The following PLCL1 variants were observed in gnomAD, a reference collection of about 807,000 sequenced individuals.
PLCL1 encodes inactive phospholipase C-like protein 1.
In PLCL1, 41 loss-of-function variants were observed where a neutral mutation model predicts 84.4. The observed-to-expected ratio is 0.49, with a 90% CI of 0.38 to 0.63. The LOEUF is 0.63. Ranked by LOEUF, PLCL1 falls within the 30% of genes least tolerant of loss-of-function variation. The probability of loss-of-function intolerance (pLI) is 0.00; values close to 1 mark genes in which losing one functional copy is unlikely to be tolerated. For synonymous variants in PLCL1, 490 were observed against 488.3 expected (o/e 1.00, Z -0.05); for missense variants, 1,206 against 1,367.8 (o/e 0.88, Z 1.87).
chr2:197,818,414 A>C (rs566741583), intron 1 of PLCL1, among the ~76,000 whole-genome samples: 1 of 152,128 alleles, frequency 6.6e-6, no homozygotes, highest in African/African-American at 2.4e-5. Context: ...GTAGACTTGG[A>C]GGTTGGGGCG....
At chr2:197,811,251 G>A (rs1299838945) in intron 1 of PLCL1, among the ~76,000 whole-genome samples, 1 of 152,160 alleles carries the variant, frequency 6.6e-6, no homozygotes, top group African/African-American at 2.4e-5. Context: ...AACAACATTC[G>A]GTCTTACATA....
At chr2:198,054,214 C>A (rs1459897582) in intron 1 of PLCL1, among the ~76,000 whole-genome samples, 1 of 152,192 alleles carries the variant, frequency 6.6e-6, no homozygotes, top group Non-Finnish European at 1.5e-5. Flanking sequence ...CACACATTTA[C>A]ACATAGGTGT....
Position 198,028,615 on chromosome 2 carries a change from T to C in PLCL1, c.241-55143T>C, listed in dbSNP as rs532948221. The stretch of plus-strand genomic sequence containing the variant: ...AAAGTAGTTATCCTTAATGTGACAT[T>C]GGAAGAGAGAGATCACGGTCATATT... On this transcript the variant is annotated intron_variant, in intron 1 of 5. Transcript: ENST00000428675. Among the ~76,000 whole-genome samples the C allele has an allele frequency of 5.3e-5, 8 of 152,322 alleles. No individual in the cohort carries two copies. The South Asian group carries it at 1.7e-3, about 32-fold the overall frequency.
At chr2:197,850,460 T>G (rs1414864266) in intron 1 of PLCL1, among the ~76,000 whole-genome samples, 1 of 152,142 alleles carries the variant, frequency 6.6e-6, no homozygotes, top group Non-Finnish European at 1.5e-5. Flanking sequence ...ATGGTGTGTG[T>G]GTGTTTGTGT....
intron 1 of PLCL1, among the ~76,000 whole-genome samples, chr2:197,919,631 C>G (rs1169971691): frequency 1.3e-5 from 2 of 152,162 alleles, no homozygotes; most frequent in African/African-American, 4.8e-5. Context: ...AGGCATATGA[C>G]TTGTAATCAC....
intron 1 of PLCL1, among the ~76,000 whole-genome samples, chr2:197,855,485 C>T (rs1466894723): frequency 2.6e-5 from 4 of 152,134 alleles, no homozygotes; most frequent in African/African-American, 9.7e-5. Flanking sequence ...TTCCTTGTGA[C>T]CAAAATTCTG....
At position 197,908,164 on chromosome 2, in the gene PLCL1, A is replaced by G. The variant is rs1175011025; in HGVS notation, c.240+102825A>G. 2.0e-5 allele frequency among the ~76,000 whole-genome samples: 3 copies of G among 152,226 alleles called. No homozygotes were observed. The East Asian group carries it at 5.8e-4, about 29-fold the overall frequency. Reference sequence around the variant, plus strand: ...GATAGCAAAAATAGACATGCTGCTTAAGAGAAAAAATAAGGATTTAGTTTT... The same window carrying G: ...GATAGCAAAAATAGACATGCTGCTTGAGAGAAAAAATAAGGATTTAGTTTT... On this transcript the variant is annotated intron_variant, in intron 1 of 5. Coordinates refer to ENST00000428675, the MANE Select transcript of PLCL1 (RefSeq NM_006226.4).
chr2:197,868,756 T>A (rs955082817), intron 1 of PLCL1, among the ~76,000 whole-genome samples: 1 of 151,452 alleles, frequency 6.6e-6, no homozygotes, highest in Non-Finnish European at 1.5e-5. Flanking sequence ...ATTCAAGTGA[T>A]CCACCCACCT....
At chr2:198,059,349 T>C (rs1449171795) in intron 1 of PLCL1, among the ~76,000 whole-genome samples, 1 of 152,178 alleles carries the variant, frequency 6.6e-6, no homozygotes, top group Non-Finnish European at 1.5e-5. Context: ...TATTAAAAAA[T>C]ATATGAAGAA....
chr2:197,914,645 A>G (rs1177398797), intron 1 of PLCL1, among the ~76,000 whole-genome samples: 1 of 152,200 alleles, frequency 6.6e-6, no homozygotes, highest in African/African-American at 2.4e-5. Context: ...TTATGTTAAA[A>G]TAGTCAGCAC....
rs1401748424 is a variant in PLCL1 at position 198,103,193 on chromosome 2, C to A, written c.2996-634C>A. ...ATATGGTTGCCATTGACACATCAGACCATTTCATGCATAAACCAGGAAGAG... is the reference window on the plus strand; with the variant it reads ...ATATGGTTGCCATTGACACATCAGAACATTTCATGCATAAACCAGGAAGAG... On this transcript the variant is annotated intron_variant, in intron 4 of 5. Transcript: ENST00000428675. Among the ~76,000 whole-genome samples, 4 of 152,076 alleles carry A rather than the reference C, an allele frequency of 2.6e-5. No homozygotes were observed. In the East Asian group the frequency reaches 7.8e-4, roughly 30 times the overall value.
chr2:197,844,480 G>A lies in PLCL1; in HGVS notation c.240+39141G>A, dbSNP rs1687081693. 2.0e-5 allele frequency among the ~76,000 whole-genome samples: 3 copies of A among 152,042 alleles called. No individual in the cohort carries two copies. In the South Asian group the frequency reaches 6.2e-4, roughly 32 times the overall value. On this transcript the variant is annotated intron_variant, in intron 1 of 5. Transcript: ENST00000428675. ...TTATGGGTGTTCAGTATTCCATTGA[G>A]TACATATACCATATTCTGCATCTTA...
intron 2 of PLCL1, 78 bp from the exon 3 acceptor site, chr2:198,088,780 C>CT: frequency 1.2e-6 from 1 of 853,132 alleles, no homozygotes. Context: ...AATGAATGTA[C>CT]TTTTCTGTAA....
chr2:198,143,893 CTA>C (rs1449451275), intron 5 of PLCL1, among the ~76,000 whole-genome samples: 22 of 65,538 alleles, frequency 3.4e-4, no homozygotes, highest in Admixed American at 3.3e-3. Flanking sequence ...AATAGTTTAC[CTA>C]TTTTTTTTTT....
At chr2:197,808,106 A>G (rs1690517939) in intron 1 of PLCL1, among the ~76,000 whole-genome samples, 1 of 152,208 alleles carries the variant, frequency 6.6e-6, no homozygotes, top group Non-Finnish European at 1.5e-5. Flanking sequence ...TAGGTTTAAA[A>G]ACGTTCAATG....
intron 1 of PLCL1, among the ~76,000 whole-genome samples, chr2:198,054,810 T>C (rs1389065168): frequency 2.0e-5 from 3 of 152,192 alleles, no homozygotes; most frequent in Admixed American, 6.5e-5. Context: ...AGATAGTTCA[T>C]AGTGGGGATG....
intron 5 of PLCL1, among the ~76,000 whole-genome samples, chr2:198,104,321 T>A (rs545331699): frequency 1.1e-4 from 16 of 152,064 alleles, no homozygotes; most frequent in Non-Finnish European, 2.2e-4. Context: ...ATTAGTTTGC[T>A]TAGGATAAAG....
intron 1 of PLCL1, among the ~76,000 whole-genome samples, chr2:197,989,266 G>A (rs540826709): frequency 1.1e-4 from 17 of 152,278 alleles, no homozygotes; most frequent in Middle Eastern, 3.4e-3. Flanking sequence ...CTGCCTTTGA[G>A]TTGCTTTTGA....
chr2:197,851,481 G>C (rs1687235302), intron 1 of PLCL1, among the ~76,000 whole-genome samples: 1 of 152,222 alleles, frequency 6.6e-6, no homozygotes, highest in African/African-American at 2.4e-5. Context: ...ATTGGCTGCA[G>C]TGGTCTTTAT....
Sources: gnomAD v4.1 joint callset for allele counts (sites outside exome capture counted in the v4.1 genomes callset) on GRCh38, gnomAD v4.1.1 for gene constraint, MANE v1.5 for transcripts, NCBI Gene and HGNC (gene_info 2026-07-23, HGNC 2026-07-21) for gene names.